GLIS1: variants seen among roughly 807,000 people sequenced by gnomAD.
GLIS1 encodes GLIS family zinc finger 1, also known as zinc finger protein GLIS1.
In GLIS1, 24 loss-of-function variants were observed where a neutral mutation model predicts 63.8. The observed-to-expected ratio is 0.38, with a 90% CI of 0.27 to 0.53. GLIS1 has a LOEUF of 0.53. Ranked by LOEUF, GLIS1 falls within the 20% of genes least tolerant of loss-of-function variation. The pLI, the probability that GLIS1 is intolerant of heterozygous loss-of-function variation, is 0.85. For missense variants in GLIS1, 1,036 were observed against 1,074.1 expected (o/e 0.96, Z 0.50); for synonymous variants, 450 against 482.5 (o/e 0.93, Z 0.88).
At chr1:53,613,754 A>G (rs1245194945) in intron 2 of GLIS1, among the ~76,000 whole-genome samples, 1 of 152,232 alleles carries the variant, frequency 6.6e-6, no homozygotes, top group African/African-American at 2.4e-5. Flanking sequence ...AGGAACTGAG[A>G]AAGTCTCAAA....
chr1:53,563,322 G>A (rs1482052403), intron 4 of GLIS1, among the ~76,000 whole-genome samples: 1 of 152,212 alleles, frequency 6.6e-6, no homozygotes, highest in Non-Finnish European at 1.5e-5. Context: ...TACTAACAGG[G>A]GTGAAATGTG....
intron 2 of GLIS1, among the ~76,000 whole-genome samples, chr1:53,656,461 C>A (rs1169099188): frequency 6.6e-6 from 1 of 152,236 alleles, no homozygotes; most frequent in African/African-American, 2.4e-5. Flanking sequence ...AAGCACAAAT[C>A]TGTGAGAAAA....
At chr1:53,556,866 GGTGT>G (rs1644839682) in intron 4 of GLIS1, among the ~76,000 whole-genome samples, 2 of 147,440 alleles carry the variant, frequency 1.4e-5, no homozygotes, top group African/African-American at 5.1e-5. Context: ...GTATACTGCA[GGTGT>G]GTGTATGCAG....
At chr1:53,567,755 C>T (rs1037296650) in intron 4 of GLIS1, among the ~76,000 whole-genome samples, 10 of 152,238 alleles carry the variant, frequency 6.6e-5, no homozygotes, top group Non-Finnish European at 1.3e-4. Context: ...CAGGTCATTG[C>T]TTCAGAGGGT....
At chr1:53,530,039 C>T in intron 4 of GLIS1, 87 bp from the exon 5 acceptor site, 1 of 1,267,316 alleles carries the variant, frequency 7.9e-7, no homozygotes, top group Non-Finnish European at 1.1e-6. Context: ...CTGCCTGGCC[C>T]CAGCACCCCT....
chr1:53,616,763 A>G (rs1645486833), intron 2 of GLIS1, among the ~76,000 whole-genome samples: 1 of 152,172 alleles, frequency 6.6e-6, no homozygotes, highest in Non-Finnish European at 1.5e-5. Context: ...GAACGGGCAC[A>G]ATCCGGAGAT....
chr1:53,533,176 G>A (rs943441914), intron 4 of GLIS1, among the ~76,000 whole-genome samples: 1 of 152,126 alleles, frequency 6.6e-6, no homozygotes, highest in Admixed American at 6.5e-5. Flanking sequence ...CTCTCTCTCA[G>A]AAGCCTGCCT....
rs542954752 is a variant in GLIS1 at position 53,657,015 on chromosome 1, C to T, written c.260-56737G>A. Among the ~76,000 whole-genome samples the T allele has an allele frequency of 3.8e-4, 18 of 47,842 alleles. No individual in the cohort carries two copies. The East Asian group carries it at 4.5e-3, about 12-fold the overall frequency. 31.4% of individuals were successfully genotyped at this position (47,842 alleles called of 152,430 possible). A position where few individuals can be genotyped will look rare whatever the true frequency, so the allele number is the denominator to read the frequency against. ...ACACAATCAATGAGCTGAGGGACAG[C>T]GATATCACAGTCCCCACACCTTTGA... On this transcript the variant is annotated intron_variant, in intron 2 of 10. Transcript: ENST00000628545.
chr1:53,549,151 T>C, intron 4 of GLIS1, among the ~76,000 whole-genome samples: 1 of 152,262 alleles, frequency 6.6e-6, no homozygotes, highest in East Asian at 1.9e-4. Flanking sequence ...TTCCATTGTA[T>C]GGATATACCA....
At chr1:53,515,353 C>G (rs1644341902) in intron 7 of GLIS1, among the ~76,000 whole-genome samples, 2 of 151,960 alleles carry the variant, frequency 1.3e-5, no homozygotes, top group African/African-American at 2.4e-5. Context: ...GATATGCAAG[C>G]AGAGCCGGGG....
intron 2 of GLIS1, among the ~76,000 whole-genome samples, chr1:53,634,830 G>A (rs186675887): frequency 6.8e-4 from 103 of 152,210 alleles, no homozygotes; most frequent in African/African-American, 2.4e-3. Flanking sequence ...GGAAGCCCAC[G>A]AATAAACGCT....
At chr1:53,616,487 TC>T (rs1362068549) in intron 2 of GLIS1, among the ~76,000 whole-genome samples, 2 of 152,168 alleles carry the variant, frequency 1.3e-5, no homozygotes, top group Non-Finnish European at 2.9e-5. Flanking sequence ...ACTGGTTTTT[TC>T]CCCCTCACTG....
intron 2 of GLIS1, among the ~76,000 whole-genome samples, chr1:53,607,154 A>G (rs1441870535): frequency 6.6e-6 from 1 of 152,254 alleles, no homozygotes; most frequent in Non-Finnish European, 1.5e-5. Context: ...GATATCACCT[A>G]TAAGGCTAGC....
chr1:53,542,477 A>T (rs1419790708), intron 4 of GLIS1, among the ~76,000 whole-genome samples: 1 of 152,248 alleles, frequency 6.6e-6, no homozygotes, highest in African/African-American at 2.4e-5. Flanking sequence ...AATGAATGAA[A>T]GAACCAAGCA....
At chr1:53,722,897 C>T (rs568854393) in intron 2 of GLIS1, among the ~76,000 whole-genome samples, 106 of 151,496 alleles carry the variant, frequency 7.0e-4, no homozygotes, top group Non-Finnish European at 1.2e-3. Context: ...CTTTGGGAGG[C>T]CGAGGCGGGT....
rs75972264 is a variant in GLIS1 at position 53,513,504 on chromosome 1, C to T, written c.1883+1121G>A. Among the ~76,000 whole-genome samples the T allele has an allele frequency of 5.9e-3, 900 of 152,304 alleles. 8 individuals are homozygous for T. Among genetic ancestry groups the T allele is most frequent in the African/African-American group, 0.02 (838 of 41,542 alleles). On this transcript the variant is annotated intron_variant, in intron 8 of 10. Coordinates refer to ENST00000628545, the MANE Select transcript of GLIS1 (RefSeq NM_001367484.1). ...CCTACCTTCACTCTTGCTACTCCTT[C>T]CTCCCAGCTTCTCCACTCATCCAAC...
intron 2 of GLIS1, among the ~76,000 whole-genome samples, chr1:53,699,423 T>C (rs1646500676): frequency 6.6e-6 from 1 of 152,184 alleles, no homozygotes; most frequent in Non-Finnish European, 1.5e-5. Context: ...ACAAGGTCAA[T>C]ATCCCTTATC....
At chr1:53,680,185 C>G (rs2100424923) in intron 2 of GLIS1, among the ~76,000 whole-genome samples, 1 of 151,554 alleles carries the variant, frequency 6.6e-6, no homozygotes, top group African/African-American at 2.4e-5. Context: ...CCACTAACAG[C>G]TTAAAAAAAA....
chr1:53,525,544 C>T (rs1457431275), intron 5 of GLIS1, among the ~76,000 whole-genome samples: 1 of 140,432 alleles, frequency 7.1e-6, no homozygotes, highest in African/African-American at 2.6e-5. Context: ...TCCCCTCAGG[C>T]CCCCATGGCT....
Sources: gnomAD v4.1 joint callset for allele counts (sites outside exome capture counted in the v4.1 genomes callset) on GRCh38, gnomAD v4.1.1 for gene constraint, MANE v1.5 for transcripts, NCBI Gene and HGNC (gene_info 2026-07-23, HGNC 2026-07-21) for gene names.